The following MCF2 variants were observed in gnomAD, a reference collection of about 807,000 sequenced individuals.
MCF2 encodes proto-oncogene DBL.
A neutral mutation model predicts 82.5 loss-of-function variants in MCF2; 44 were observed. The ratio of observed to expected loss-of-function variants is 0.53; its 90% CI spans 0.42 to 0.69. MCF2 has a LOEUF of 0.69. Ranked by LOEUF, MCF2 falls within the 30% of genes least tolerant of loss-of-function variation. MCF2 has a pLI of 0.00. For synonymous variants in MCF2, 217 were observed against 224.9 expected, an observed-to-expected ratio of 0.96 and a Z score of 0.32; for missense variants, 623 against 663.1, an observed-to-expected ratio of 0.94 and a Z score of 0.66.
chrX:139,614,834 TAAAC>T, intron 10 of MCF2, 43 bp downstream of exon 13: 1 of 1,100,712 alleles, frequency 9.1e-7, no homozygotes, highest in Non-Finnish European at 1.2e-6. Flanking sequence ...AGTAACAATA[TAAAC>T]AATAGCAAGA....
At chrX:139,605,735 C>T (rs1216354437) in exon 13 of MCF2, 1 of 1,201,087 alleles carries the variant, frequency 8.3e-7, no homozygotes, top group Non-Finnish European at 1.1e-6. Context: ...ATACAGTTCT[C>T]GAACATAAAC....
chrX:139,653,825 C>T (rs993594520), intron 1 of MCF2, among the ~76,000 whole-genome samples: 2 of 110,880 alleles, frequency 1.8e-5, no homozygotes, highest in Non-Finnish European at 3.8e-5. Context: ...CTCTGGTAAC[C>T]ACCAATCTAC....
At chrX:139,645,476 C>T (rs758856502), upstream of MCF2, 3 of 464,230 alleles carry the variant, frequency 6.5e-6, no homozygotes, top group East Asian at 1.2e-4. Flanking sequence ...TTTATTGTCT[C>T]CGTCAGTACC....
intron 1 of MCF2, among the ~76,000 whole-genome samples, chrX:139,690,545 A>G (rs1015357771): frequency 9.9e-5 from 11 of 110,593 alleles, no homozygotes; most frequent in Non-Finnish European, 2.1e-4. Context: ...ACATCTAGAA[A>G]ATAATATAGA....
chrX:139,626,711 T>C (rs1178632645), exon 5 of MCF2: 1 of 1,209,397 alleles, frequency 8.3e-7, no homozygotes, highest in Non-Finnish European at 1.1e-6. Flanking sequence ...ACTTCCAGAT[T>C]TGTTAGCAGA....
At chrX:139,677,899 A>C (rs1407605391) in intron 1 of MCF2, among the ~76,000 whole-genome samples, 1 of 112,197 alleles carries the variant, frequency 8.9e-6, no homozygotes, top group African/African-American at 3.2e-5. Flanking sequence ...ACGATGGCTC[A>C]CACCTGTAAT....
upstream of MCF2, among the ~76,000 whole-genome samples, chrX:139,645,174 G>A (rs1448938621): frequency 1.8e-5 from 2 of 110,589 alleles, no homozygotes; most frequent in African/African-American, 6.6e-5. Context: ...GCTTATTTTG[G>A]GGTGGTTGGA....
At chrX:139,629,929 T>C in intron 3 of MCF2, 85 bp from the exon 7 acceptor site, 2 of 809,142 alleles carry the variant, frequency 2.5e-6, no homozygotes, top group Non-Finnish European at 3.6e-6. Flanking sequence ...TTTGTTTTTA[T>C]TGGGGGTATA....
intron 16 of MCF2, among the ~76,000 whole-genome samples, chrX:139,600,983 T>C (rs1427332655): frequency 2.7e-5 from 3 of 111,305 alleles, no homozygotes; most frequent in Non-Finnish European, 5.7e-5. Context: ...ATTCATAAAA[T>C]GAAAATAGAA....
intron 12 of MCF2, 98 bp from the exon 17 acceptor site, chrX:139,605,877 T>C: frequency 1.6e-6 from 1 of 607,072 alleles, no homozygotes; most frequent in Non-Finnish European, 2.5e-6. Flanking sequence ...AAATAGCTAA[T>C]GCATAGGAAT....
chrX:139,692,305 C>A, intron 1 of MCF2: 1 of 293,252 alleles, frequency 3.4e-6, no homozygotes, highest in Non-Finnish European at 5.9e-6. Flanking sequence ...CCCGCTCAGC[C>A]CAGCTGCGCC....
At chrX:139,621,474 T>C (rs774673393) in intron 6 of MCF2, among the ~76,000 whole-genome samples, 15 of 111,371 alleles carry the variant, frequency 1.3e-4, no homozygotes, top group African/African-American at 4.6e-4. Flanking sequence ...ATATCCAGAA[T>C]CTGTAAGGAA....
At chrX:139,636,881 G>A (rs930739138) in intron 1 of MCF2, among the ~76,000 whole-genome samples, 1 of 111,433 alleles carries the variant, frequency 9.0e-6, no homozygotes, top group Non-Finnish European at 1.9e-5. Flanking sequence ...AAACATTGAC[G>A]GCTATATAAG....
At chrX:139,618,951 C>T (rs1932128270) in intron 7 of MCF2, among the ~76,000 whole-genome samples, 1 of 110,966 alleles carries the variant, frequency 9.0e-6, no homozygotes, top group Admixed American at 9.6e-5. Flanking sequence ...TCATTTTATC[C>T]CCAGTTTATA....
At chrX:139,587,081 A>C (rs963168142) in intron 22 of MCF2, among the ~76,000 whole-genome samples, 4 of 112,028 alleles carry the variant, frequency 3.6e-5, no homozygotes, top group African/African-American at 1.3e-4. Context: ...TAAGTCATTC[A>C]ATGATCACCA....
At chrX:139,615,080 A>C (rs780386583) in intron 9 of MCF2, 28 bp from the exon 13 acceptor site, 2 of 1,124,181 alleles carry the variant, frequency 1.8e-6, no homozygotes, top group African/African-American at 3.6e-5. Flanking sequence ...ATTATAGGAA[A>C]TATTTTATGA....
chrX:139,631,345 G>A lies in MCF2; in HGVS notation c.288+50C>T, dbSNP rs760010487. On this transcript the variant is annotated intron_variant, in intron 3 of 24. Transcript: ENST00000370576. ...AAAGAATTCTAGAACTAGATTTAAAGGCTAACATGAAGAACTATAGGCTCT... is the reference window on the plus strand; with the variant it reads ...AAAGAATTCTAGAACTAGATTTAAAAGCTAACATGAAGAACTATAGGCTCT... The A allele has an allele frequency of 8.6e-6, 6 of 696,314 alleles. No individual in the cohort carries two copies. In the Admixed American group the frequency reaches 1.2e-4, roughly 14 times the overall value. 57.4% of individuals were successfully genotyped at this position (696,314 alleles called of 1,213,427 possible).
chrX:139,671,771 G>A (rs943602224), intron 1 of MCF2, among the ~76,000 whole-genome samples: 4 of 111,681 alleles, frequency 3.6e-5, no homozygotes, highest in Non-Finnish European at 7.5e-5. Flanking sequence ...TTGTTCTTTT[G>A]GCTTAGGATT....
chrX:139,635,473 T>C (rs1238029614), intron 1 of MCF2, among the ~76,000 whole-genome samples: 1 of 110,699 alleles, frequency 9.0e-6, no homozygotes, highest in Non-Finnish European at 1.9e-5. Flanking sequence ...CTGGCCAACA[T>C]GGTGAAAACC....
Sources: gnomAD v4.1 joint callset for allele counts (sites outside exome capture counted in the v4.1 genomes callset) on GRCh38, gnomAD v4.1.1 for gene constraint, MANE v1.5 for transcripts, NCBI Gene and HGNC (gene_info 2026-07-23, HGNC 2026-07-21) for gene names.